The following CDK6 variants were observed in gnomAD, a reference collection of about 807,000 sequenced individuals.
CDK6 encodes the protein cyclin dependent kinase 6, also known as cyclin-dependent kinase 6.
Under a neutral mutation model 37.1 loss-of-function variants are expected in CDK6, and 6 were observed. The observed-to-expected ratio is 0.16, with a 90% CI of 0.09 to 0.32. The LOEUF is 0.32. CDK6 is among the 10% of genes least tolerant of loss of function. The probability of loss-of-function intolerance (pLI) is 1.00; values close to 1 mark genes in which losing one functional copy is unlikely to be tolerated. For missense variants in CDK6, 224 were observed against 418.9 expected, an observed-to-expected ratio of 0.53 and a Z score of 4.06; for synonymous variants, 160 against 161.3, an observed-to-expected ratio of 0.99 and a Z score of 0.06.
intron 4 of CDK6, among the ~76,000 whole-genome samples, chr7:92,711,931 G>C (rs73404497): frequency 6.6e-6 from 1 of 151,566 alleles, no homozygotes; most frequent in South Asian, 2.1e-4. Context: ...AACTGAAGAA[G>C]GAACCGTGAC....
At chr7:92,684,070 C>T (rs147251199) in intron 4 of CDK6, among the ~76,000 whole-genome samples, 13 of 152,274 alleles carry the variant, frequency 8.5e-5, no homozygotes, top group African/African-American at 2.6e-4. Context: ...TAATGTACTG[C>T]GCTGAATTAA....
intron 4 of CDK6, among the ~76,000 whole-genome samples, chr7:92,705,908 T>TG (rs1797955150): frequency 6.6e-6 from 1 of 152,230 alleles, no homozygotes; most frequent in Non-Finnish European, 1.5e-5. Context: ...CTTTTCTGAA[T>TG]GGGGGGCATT....
Position 92,610,215 on chromosome 7 carries a change from A to C in CDK6, c.*4925T>G. 1 of 232,316 alleles carries C rather than the reference A, an allele frequency of 4.3e-6. No homozygotes were observed. 14.4% of individuals were successfully genotyped at this position (232,316 alleles called of 1,614,324 possible). A position where few individuals can be genotyped will look rare whatever the true frequency, so the allele number is the denominator to read the frequency against. The stretch of plus-strand genomic sequence containing the variant: ...ACCACATCAACTTCAAATTGCTGTA[A>C]CAGTATTTCAGCAGATGCTCGAAAA... On this transcript the variant is annotated 3_prime_UTR_variant, in exon 8 of 8. Coordinates refer to ENST00000424848, the MANE Select transcript of CDK6 (RefSeq NM_001145306.2).
At chr7:92,627,106 A>G (rs1451674284) in intron 5 of CDK6, among the ~76,000 whole-genome samples, 1 of 152,068 alleles carries the variant, frequency 6.6e-6, no homozygotes, top group Non-Finnish European at 1.5e-5. Context: ...TGTGGTATGG[A>G]CTTACAATGG....
chr7:92,671,411 A>G lies in CDK6; in HGVS notation c.647+15T>C. ...TTTTCAAGGAAAGCAGAGTGAAACA[A>G]AATGTATTTCTTACTTTCTACGAAA... is the stretch of plus-strand genomic sequence containing the variant. On this transcript the variant is annotated intron_variant, in intron 5 of 7. Coordinates refer to ENST00000424848, the MANE Select transcript of CDK6 (RefSeq NM_001145306.2). The G allele has an allele frequency of 6.8e-7, 1 of 1,476,530 alleles. No homozygotes were observed. The highest frequency in any genetic ancestry group is 9.2e-7 in the Non-Finnish European group (1 of 1,091,674). 91.5% of individuals were successfully genotyped at this position (1,476,530 alleles called of 1,614,324 possible).
chr7:92,677,911 G>T (rs1444080427), intron 4 of CDK6, among the ~76,000 whole-genome samples: 1 of 152,160 alleles, frequency 6.6e-6, no homozygotes, highest in African/African-American at 2.4e-5. Context: ...AAATTTTCCT[G>T]ACAGTAAAAT....
intron 2 of CDK6, among the ~76,000 whole-genome samples, chr7:92,781,365 A>G (rs1440445049): frequency 1.3e-5 from 2 of 152,206 alleles, no homozygotes; most frequent in Non-Finnish European, 1.5e-5. Flanking sequence ...TAATAACAAA[A>G]TATCTCTCTG....
chr7:92,647,359 T>C (rs1796476370), intron 5 of CDK6, among the ~76,000 whole-genome samples: 1 of 152,234 alleles, frequency 6.6e-6, no homozygotes, highest in Admixed American at 6.5e-5. Flanking sequence ...TTACTCTGGG[T>C]CAGGAAAGGT....
chr7:92,826,605 G>A (rs1214040316), intron 2 of CDK6, among the ~76,000 whole-genome samples: 1 of 152,050 alleles, frequency 6.6e-6, no homozygotes, highest in Non-Finnish European at 1.5e-5. Flanking sequence ...AAATACAGAG[G>A]AAGAACATGA....
chr7:92,634,476 T>TC (rs201488552), intron 5 of CDK6, among the ~76,000 whole-genome samples: 1 of 75,926 alleles, frequency 1.3e-5, no homozygotes, highest in Non-Finnish European at 3.6e-5. Context: ...TCTTCATAAC[T>TC]TTTTTTTTTT....
chr7:92,678,798 G>T (rs1208594023), intron 4 of CDK6, among the ~76,000 whole-genome samples: 1 of 152,168 alleles, frequency 6.6e-6, no homozygotes, highest in Non-Finnish European at 1.5e-5. Flanking sequence ...TATGCCTCCA[G>T]TTTCTTACTG....
At chr7:92,631,793 T>G (rs1796059753) in intron 5 of CDK6, among the ~76,000 whole-genome samples, 1 of 152,126 alleles carries the variant, frequency 6.6e-6, no homozygotes, top group Non-Finnish European at 1.5e-5. Context: ...TGAGAATGAT[T>G]CTGAAGTGCT....
intron 2 of CDK6, among the ~76,000 whole-genome samples, chr7:92,780,733 C>T (rs1184625956): frequency 1.3e-5 from 2 of 149,324 alleles, no homozygotes; most frequent in Non-Finnish European, 3.0e-5. Context: ...TGCACTCCAT[C>T]CAGCCTGGGC....
At chr7:92,666,122 A>G (rs1318260977) in intron 5 of CDK6, among the ~76,000 whole-genome samples, 4 of 152,196 alleles carry the variant, frequency 2.6e-5, no homozygotes, top group African/African-American at 9.7e-5. Flanking sequence ...ATAAATGACT[A>G]TTCCTCAAAG....
At chr7:92,831,267 G>A (rs888080239) in intron 2 of CDK6, among the ~76,000 whole-genome samples, 2 of 152,232 alleles carry the variant, frequency 1.3e-5, no homozygotes, top group African/African-American at 4.8e-5. Flanking sequence ...CACAATGGCA[G>A]AAAGTGTGCC....
intron 2 of CDK6, among the ~76,000 whole-genome samples, chr7:92,817,936 G>T (rs371668026): frequency 6.6e-6 from 1 of 151,798 alleles, no homozygotes; most frequent in South Asian, 2.1e-4. Flanking sequence ...GCAAGCAAGG[G>T]CATTACACTA....
At chr7:92,672,917 T>A (rs1042118595) in intron 4 of CDK6, among the ~76,000 whole-genome samples, 2 of 152,214 alleles carry the variant, frequency 1.3e-5, no homozygotes, top group Admixed American at 6.5e-5. Context: ...ACACTGTTGC[T>A]CGTATCAAGG....
At chr7:92,739,602 T>C (rs1007050835) in intron 3 of CDK6, among the ~76,000 whole-genome samples, 1 of 152,246 alleles carries the variant, frequency 6.6e-6, no homozygotes, top group Non-Finnish European at 1.5e-5. Flanking sequence ...GTTCCTACAT[T>C]ACCTTTCAAA....
chr7:92,626,345 G>A (rs1395347649), intron 5 of CDK6, among the ~76,000 whole-genome samples: 2 of 151,948 alleles, frequency 1.3e-5, no homozygotes, highest in East Asian at 3.9e-4. Flanking sequence ...AAGGAGACAA[G>A]ATATACAAAT....
Sources: allele counts gnomAD v4.1 joint callset (sites outside exome capture counted in the v4.1 genomes callset), GRCh38; gene constraint gnomAD v4.1.1; transcripts MANE v1.5; gene names NCBI Gene and HGNC (gene_info 2026-07-23, HGNC 2026-07-21).